EEIG1: variants seen among roughly 807,000 people sequenced by gnomAD.
The protein encoded by EEIG1 is estrogen-induced osteoclastogenesis regulator 1, also known as early estrogen-induced gene 1 protein.
At chr9:127,970,881 T>C in the EEIG1 span, among the ~76,000 whole-genome samples, 3 of 152,134 alleles carry the variant, frequency 2.0e-5, no homozygotes, top group Non-Finnish European at 4.4e-5. Context: ...GAGCCCAGCA[T>C]CACCTCCTTA....
At chr9:127,976,203 C>T in the EEIG1 span, among the ~76,000 whole-genome samples, 46 of 152,188 alleles carry the variant, frequency 3.0e-4, no homozygotes, top group Non-Finnish European at 5.0e-4. The surrounding 1 kb of genome is among the most constrained non-coding windows in gnomAD (Gnocchi z 4.1). Context: ...CAAGACAGGG[C>T]CTTAGAGCTG....
the EEIG1 span, among the ~76,000 whole-genome samples, chr9:127,964,014 A>T: frequency 6.6e-6 from 1 of 152,166 alleles, no homozygotes; most frequent in African/African-American, 2.4e-5. Flanking sequence ...ACCTGGGGGG[A>T]AGGAGGTCCC....
the EEIG1 span, among the ~76,000 whole-genome samples, chr9:127,956,022 C>G: frequency 6.6e-6 from 1 of 152,216 alleles, no homozygotes; most frequent in Non-Finnish European, 1.5e-5. Context: ...GGAGGGTGAG[C>G]TCCAACAACC....
At chr9:127,955,373 T>C in the EEIG1 span, among the ~76,000 whole-genome samples, 699 of 152,352 alleles carry the variant, frequency 4.6e-3, 4 homozygotes, top group Middle Eastern at 0.01. Context: ...TCCCCAGTGA[T>C]TGGCAAAGCA....
At chr9:127,970,960 G>A in the EEIG1 span, among the ~76,000 whole-genome samples, 1 of 152,210 alleles carries the variant, frequency 6.6e-6, no homozygotes, top group Non-Finnish European at 1.5e-5. Context: ...CAGGGGTGGG[G>A]GCCACATCTC....
chr9:127,979,904 G>T, the EEIG1 span: 1 of 1,452,582 alleles, frequency 6.9e-7, no homozygotes, highest in Non-Finnish European at 9.2e-7. Flanking sequence ...TCCTCACACC[G>T]GCCCCAAGGG....
the EEIG1 span, chr9:127,943,353 T>G: frequency 1.0e-6 from 1 of 995,846 alleles, no homozygotes; most frequent in Non-Finnish European, 1.6e-6. Context: ...AGCCCTGTGT[T>G]GCAAAGGGGC....
the EEIG1 span, chr9:127,940,958 C>T: frequency 6.6e-6 from 1 of 152,166 alleles, no homozygotes; most frequent in Admixed American, 6.5e-5. Context: ...ACTGACATTG[C>T]ATAGACCAAC....
chr9:127,957,850 T>C, the EEIG1 span, among the ~76,000 whole-genome samples: 1 of 152,122 alleles, frequency 6.6e-6, no homozygotes, highest in African/African-American at 2.4e-5. Flanking sequence ...CCATCTCTAC[T>C]AAAAATACAA....
the EEIG1 span, chr9:127,950,700 G>A: frequency 7.1e-7 from 1 of 1,410,858 alleles, no homozygotes; most frequent in Non-Finnish European, 9.2e-7. Flanking sequence ...GGGACCCAAG[G>A]ACAGAGGCCC....
At chr9:127,969,626 C>A in the EEIG1 span, among the ~76,000 whole-genome samples, 1 of 152,094 alleles carries the variant, frequency 6.6e-6, no homozygotes, top group Admixed American at 6.5e-5. Flanking sequence ...CTGCCCTCCC[C>A]ATGAACAGCC....
the EEIG1 span, among the ~76,000 whole-genome samples, chr9:127,976,735 CAG>C: frequency 6.6e-6 from 1 of 152,170 alleles, no homozygotes; most frequent in Admixed American, 6.5e-5. The surrounding 1 kb of genome is among the most constrained non-coding windows in gnomAD (Gnocchi z 4.1). Context: ...ACCCAGCACA[CAG>C]GGAAATACTC....
At chr9:127,978,137 C>A in the EEIG1 span, among the ~76,000 whole-genome samples, 2 of 152,144 alleles carry the variant, frequency 1.3e-5, no homozygotes, top group Admixed American at 6.5e-5. Flanking sequence ...ATAAGCAGCT[C>A]CCAACAGAAC....
the EEIG1 span, chr9:127,950,729 A>G: frequency 7.2e-7 from 1 of 1,393,572 alleles, no homozygotes; most frequent in African/African-American, 1.5e-5. Context: ...CAGCACCAAC[A>G]TGGCAAAGCC....
chr9:127,953,615 A>C, the EEIG1 span: 2 of 1,613,906 alleles, frequency 1.2e-6, no homozygotes, highest in Non-Finnish European at 1.7e-6. Context: ...CTGCACAGGG[A>C]GGGAGACACA....
At chr9:127,946,952 G>C in the EEIG1 span, among the ~76,000 whole-genome samples, 36 of 152,056 alleles carry the variant, frequency 2.4e-4, no homozygotes, top group African/African-American at 8.5e-4. Context: ...ATACCTCTGG[G>C]GGCCCTGCTT....
At chr9:127,969,472 C>T in the EEIG1 span, among the ~76,000 whole-genome samples, 34 of 152,292 alleles carry the variant, frequency 2.2e-4, 1 homozygote, top group East Asian at 6.0e-3. Context: ...TTACTGAGCC[C>T]GTACTCCATG....
At chr9:127,944,355 G>A in the EEIG1 span, 1 of 586,210 alleles carries the variant, frequency 1.7e-6, no homozygotes, top group Non-Finnish European at 3.1e-6. Flanking sequence ...CCTGCACCAG[G>A]CATTGCTGGA....
the EEIG1 span, chr9:127,945,569 G>A: frequency 1.3e-6 from 2 of 1,563,734 alleles, no homozygotes; most frequent in Non-Finnish European, 8.7e-7. The surrounding 1 kb of genome is among the most constrained non-coding windows in gnomAD (Gnocchi z 6.5). Flanking sequence ...TAGCCTGTCA[G>A]GGGCGACGCA....
Sources: gnomAD v4.1 joint callset for allele counts (sites outside exome capture counted in the v4.1 genomes callset) on GRCh38, gnomAD v4.1.1 for gene constraint, Gnocchi (gnomAD v3.1) non-coding constraint, MANE v1.5 for transcripts, NCBI Gene and HGNC (gene_info 2026-07-23, HGNC 2026-07-21) for gene names.